Variants in RARB observed in about 807,000 individuals in gnomAD.
RARB encodes the protein retinoic acid receptor beta, also known as HBV-activated protein.
A neutral mutation model predicts 51.9 loss-of-function variants in RARB; 17 were observed. That is an observed-to-expected ratio of 0.33 (90% CI 0.22 to 0.49). The LOEUF is 0.49. RARB is among the 20% of genes least tolerant of loss of function. The probability of loss-of-function intolerance (pLI) is 0.99; values close to 1 mark genes in which losing one functional copy is unlikely to be tolerated. For missense variants in RARB, 369 were observed against 550.8 expected, an observed-to-expected ratio of 0.67 and a Z score of 3.30; for synonymous variants, 215 against 195.4, an observed-to-expected ratio of 1.10 and a Z score of -0.84.
At chr3:25,345,877 T>G (rs1336951799) in intron 5 of RARB, 1 of 910,904 alleles carries the variant, frequency 1.1e-6, no homozygotes, top group Admixed American at 6.2e-5. Flanking sequence ...CAACCACCAC[T>G]AAATATGTAT....
intron 2 of RARB, among the ~76,000 whole-genome samples, chr3:24,941,825 A>G (rs1695673586): frequency 6.6e-6 from 1 of 152,212 alleles, no homozygotes; most frequent in Non-Finnish European, 1.5e-5. Flanking sequence ...GGATACCAAT[A>G]TCTATAGGAA....
chr3:25,414,674 G>A (rs1707653805), intron 5 of RARB, among the ~76,000 whole-genome samples: 1 of 152,092 alleles, frequency 6.6e-6, no homozygotes, highest in Non-Finnish European at 1.5e-5. Flanking sequence ...AATAACTAAT[G>A]ATGTTCAGCA....
At chr3:25,170,364 C>G (rs1266300370) in intron 4 of RARB, among the ~76,000 whole-genome samples, 1 of 152,082 alleles carries the variant, frequency 6.6e-6, no homozygotes, top group Admixed American at 6.6e-5. Context: ...CAAATGTTAG[C>G]TGCATCGGAG....
In RARB at chr3:25,114,743, T is replaced by G. The variant is rs183544912; in HGVS notation, c.-327-17418T>G. ...ATTAGGTTGCTGTCGGAACACCTTCTGTTGACACCTCTGGCAAGATCAGGA... is the reference window on the plus strand; with the variant it reads ...ATTAGGTTGCTGTCGGAACACCTTCGGTTGACACCTCTGGCAAGATCAGGA... On this transcript the variant is annotated intron_variant, in intron 3 of 11. Transcript: ENST00000383772. Among the ~76,000 whole-genome samples, 551 of 152,350 alleles carry G rather than the reference T, an allele frequency of 3.6e-3. 6 individuals carry two copies. Among genetic ancestry groups the G allele is most frequent in the African/African-American group, 0.013 (538 of 41,588 alleles).
intron 5 of RARB, among the ~76,000 whole-genome samples, chr3:25,338,489 A>C (rs868085070): frequency 6.6e-6 from 1 of 152,094 alleles, no homozygotes; most frequent in African/African-American, 2.4e-5. Context: ...TGAATTACCC[A>C]CTGTCAATTA....
chr3:25,595,627 C>T (rs914841936), intron 7 of RARB, among the ~76,000 whole-genome samples: 1 of 152,206 alleles, frequency 6.6e-6, no homozygotes, highest in African/African-American at 2.4e-5. Context: ...ACTGCAATTA[C>T]AGAAATAATC....
rs1418500630 is a variant in RARB, at chr3:25,428,615, C to T, written c.-117C>T. 4 of 1,423,432 alleles carry T rather than the reference C, an allele frequency of 2.8e-6. No homozygotes were observed. The highest frequency in any genetic ancestry group is 9.3e-7 in the Non-Finnish European group (1 of 1,079,476). 88.2% of individuals were successfully genotyped at this position (1,423,432 alleles called of 1,614,324 possible). Reference sequence around the variant, plus strand: ...GATTCGGGGCTGGGAAAAAGACCAACAGCCTACGTGCCAAAAAAGGGGCAG... The same window carrying T: ...GATTCGGGGCTGGGAAAAAGACCAATAGCCTACGTGCCAAAAAAGGGGCAG... On this transcript the variant is annotated 5_prime_UTR_variant, in exon 1 of 8. An upstream open reading frame in the 5' UTR gains an earlier in-frame stop. Coordinates refer to ENST00000330688, the MANE Select transcript of RARB (RefSeq NM_000965.5).
intron 5 of RARB, among the ~76,000 whole-genome samples, chr3:25,304,880 C>T (rs1704120693): frequency 6.6e-6 from 1 of 152,192 alleles, no homozygotes; most frequent in Non-Finnish European, 1.5e-5. Context: ...AATAACAATT[C>T]AAACTTACTC....
chr3:25,418,786 G>A (rs1366166189), intron 5 of RARB, among the ~76,000 whole-genome samples: 1 of 152,018 alleles, frequency 6.6e-6, no homozygotes, highest in Non-Finnish European at 1.5e-5. Flanking sequence ...CAAGCATAAG[G>A]AATTTCTGGC....
intron 5 of RARB, among the ~76,000 whole-genome samples, chr3:25,368,137 AT>A (rs755251799): frequency 6.7e-4 from 102 of 152,306 alleles, no homozygotes; most frequent in Non-Finnish European, 9.3e-4. Flanking sequence ...TGAAATGATA[AT>A]GGCAGTAAAT....
Position 25,428,293 on chromosome 3 carries a change from A to G in RARB, c.-439A>G, listed in dbSNP as rs1575393446. ...AGAAGTAGTAGGAAGTGAGCTGTTCAGAGGCAGGAGGGTCTATTCTTTGCC... is the reference window on the plus strand; with the variant it reads ...AGAAGTAGTAGGAAGTGAGCTGTTCGGAGGCAGGAGGGTCTATTCTTTGCC... On this transcript the variant is annotated 5_prime_UTR_variant, in exon 1 of 8. Coordinates refer to ENST00000330688, the MANE Select transcript of RARB (RefSeq NM_000965.5). 4 of 1,240,374 alleles carry G rather than the reference A, an allele frequency of 3.2e-6. No homozygotes were observed. Among genetic ancestry groups the G allele is most frequent in the South Asian group, 7.9e-5 (2 of 25,330 alleles). 76.8% of individuals were successfully genotyped at this position (1,240,374 alleles called of 1,614,324 possible).
rs545897434 is a variant in RARB at position 25,482,828 on chromosome 3, C to T, written c.307-18354C>T. ...TGCTGGGATTACAGGCGTGAGCCAC[C>T]CGCCTAGCCCTCTAGCTGCCACATT... On this transcript the variant is annotated intron_variant, in intron 2 of 7. Coordinates refer to ENST00000330688, the MANE Select transcript of RARB (RefSeq NM_000965.5). Among the ~76,000 whole-genome samples, 37 of 152,128 alleles carry T rather than the reference C, an allele frequency of 2.4e-4. No individual in the cohort carries two copies. In the South Asian group the frequency reaches 7.5e-3, roughly 31 times the overall value.
chr3:25,375,853 T>C (rs1706444667), intron 5 of RARB, among the ~76,000 whole-genome samples: 1 of 152,200 alleles, frequency 6.6e-6, no homozygotes, highest in South Asian at 2.1e-4. Context: ...GATTAGAAGC[T>C]TGGACCCTGA....
chr3:24,980,741 C>G (rs1423920910), intron 2 of RARB, among the ~76,000 whole-genome samples: 1 of 152,030 alleles, frequency 6.6e-6, no homozygotes, highest in Non-Finnish European at 1.5e-5. Flanking sequence ...GTTTGTTATT[C>G]TGACCTTCTG....
chr3:25,263,944 G>T (rs1370031147), intron 5 of RARB, among the ~76,000 whole-genome samples: 3 of 152,114 alleles, frequency 2.0e-5, no homozygotes, highest in Non-Finnish European at 4.4e-5. Context: ...TTCTCTTAGA[G>T]CTCTAGAATG....
chr3:25,138,532 T>G (rs1436109645), intron 4 of RARB, among the ~76,000 whole-genome samples: 1 of 152,100 alleles, frequency 6.6e-6, no homozygotes, highest in East Asian at 1.9e-4. Context: ...GAATTCTAAT[T>G]AGTAACATGA....
At chr3:24,860,226 A>C (rs954586609) in intron 2 of RARB, among the ~76,000 whole-genome samples, 2 of 152,146 alleles carry the variant, frequency 1.3e-5, no homozygotes, top group African/African-American at 4.8e-5. Context: ...GCAAATATTG[A>C]AGTCACCTGG....
At chr3:25,290,200 T>C (rs1314183140) in intron 5 of RARB, among the ~76,000 whole-genome samples, 3 of 152,190 alleles carry the variant, frequency 2.0e-5, no homozygotes, top group Admixed American at 6.5e-5. Context: ...CCAGGACTTA[T>C]GAACATAACT....
chr3:25,040,516 T>G (rs905371602), intron 2 of RARB, among the ~76,000 whole-genome samples: 1 of 152,142 alleles, frequency 6.6e-6, no homozygotes, highest in Non-Finnish European at 1.5e-5. Context: ...GCAGATCGCT[T>G]GAGGACAGAA....
Sources: gnomAD v4.1 joint callset for allele counts (sites outside exome capture counted in the v4.1 genomes callset) on GRCh38, gnomAD v4.1.1 for gene constraint, MANE v1.5 for transcripts, NCBI Gene and HGNC (gene_info 2026-07-23, HGNC 2026-07-21) for gene names.